The following HS3ST3B1 variants were observed in gnomAD, a reference collection of about 807,000 sequenced individuals.
The protein encoded by HS3ST3B1 is heparan sulfate-glucosamine 3-sulfotransferase 3B1, also known as heparan sulfate glucosamine 3-O-sulfotransferase 3B1.
HS3ST3B1 carries 13 observed loss-of-function variants against 21.3 expected under a neutral mutation model. The observed-to-expected ratio is 0.61, with a 90% CI of 0.40 to 0.97. The LOEUF is 0.97. HS3ST3B1 is among the 50% of genes least tolerant of loss of function. HS3ST3B1 has a pLI of 0.00. For missense variants in HS3ST3B1, 459 were observed against 554.8 expected (o/e 0.83, Z 1.73); for synonymous variants, 234 against 254.8 (o/e 0.92, Z 0.78).
chr17:14,307,343 T>C (rs1185171507), intron 1 of HS3ST3B1, among the ~76,000 whole-genome samples: 1 of 152,072 alleles, frequency 6.6e-6, no homozygotes, highest in East Asian at 1.9e-4. Flanking sequence ...CCAGCTAGAG[T>C]TGTATTGCTT....
In HS3ST3B1 at chr17:14,335,563, C is replaced by T. The variant is rs115920378; in HGVS notation, c.555-9465C>T. ...TACAAAAATTAGCTGGGCATGGTGG[C>T]GACACCTGTAATCTCAGCTACTCTG... On this transcript the variant is annotated intron_variant, in intron 1 of 1. Transcript: ENST00000360954. Among the ~76,000 whole-genome samples, 504 of 151,930 alleles carry T rather than the reference C, an allele frequency of 3.3e-3. 3 individuals carry two copies. Among genetic ancestry groups the T allele is most frequent in the African/African-American group, 0.01 (420 of 41,462 alleles).
chr17:14,339,569 G>A (rs994972685), intron 1 of HS3ST3B1, among the ~76,000 whole-genome samples: 2 of 152,172 alleles, frequency 1.3e-5, no homozygotes, highest in African/African-American at 4.8e-5. Flanking sequence ...CTCCAAGCAA[G>A]TCACCCTCTC....
rs546977970 is a variant in HS3ST3B1 at position 14,342,895 on chromosome 17, G to A, written c.555-2133G>A. Reference sequence around the variant, plus strand: ...AAAAGAATATATGTGATAAATAATTGTGCATATTTTGGGGGTACAATATGA... The same window carrying A: ...AAAAGAATATATGTGATAAATAATTATGCATATTTTGGGGGTACAATATGA... On this transcript the variant is annotated intron_variant, in intron 1 of 1. Transcript: ENST00000360954. Among the ~76,000 whole-genome samples, 4 of 152,148 alleles carry A rather than the reference G, an allele frequency of 2.6e-5. No homozygotes were observed. In the East Asian group the frequency reaches 7.7e-4, roughly 29 times the overall value.
intron 1 of HS3ST3B1, 100 bp downstream of exon 1, chr17:14,302,172 G>T (rs1908957888): frequency 7.3e-7 from 1 of 1,372,456 alleles, no homozygotes; most frequent in Non-Finnish European, 9.7e-7. Context: ...TTACAGCTTC[G>T]GACCACCCGG....
At chr17:14,309,904 G>A (rs902001310) in intron 1 of HS3ST3B1, among the ~76,000 whole-genome samples, 1 of 152,154 alleles carries the variant, frequency 6.6e-6, no homozygotes, top group African/African-American at 2.4e-5. Context: ...TTGGGTCTGG[G>A]AAGCGGGAGG....
chr17:14,313,128 G>A (rs369064749), intron 1 of HS3ST3B1, among the ~76,000 whole-genome samples: 398 of 53,376 alleles, frequency 7.5e-3, no homozygotes, highest in East Asian at 0.045. Context: ...ATATATGTGT[G>A]TGTGTGTATA....
Position 14,348,532 on chromosome 17 carries a change from A to G in HS3ST3B1, c.*2886A>G, listed in dbSNP as rs1910639166. Reference sequence around the variant, plus strand: ...CGGTCATCTTCCTGCTGCAGAAGTTAGGTAACATAAGACTTAGATTTCTTC... The same window carrying G: ...CGGTCATCTTCCTGCTGCAGAAGTTGGGTAACATAAGACTTAGATTTCTTC... On this transcript the variant is annotated 3_prime_UTR_variant, in exon 2 of 2. Transcript: ENST00000360954. 1 of 152,182 alleles carries G rather than the reference A, an allele frequency of 6.6e-6. No individual in the cohort carries two copies. The allele number at this position is 152,182 out of a possible 1,614,324, so 9.4% of individuals were successfully genotyped here. A position where few individuals can be genotyped will look rare whatever the true frequency, so the allele number is the denominator to read the frequency against.
At chr17:14,325,521 A>G (rs1276887744) in intron 1 of HS3ST3B1, among the ~76,000 whole-genome samples, 1 of 152,226 alleles carries the variant, frequency 6.6e-6, no homozygotes, top group Admixed American at 6.5e-5. Flanking sequence ...AAGAATCAAG[A>G]ATTATATTGG....
At chr17:14,342,247 T>TC (rs1206577614) in intron 1 of HS3ST3B1, among the ~76,000 whole-genome samples, 1 of 122,128 alleles carries the variant, frequency 8.2e-6, no homozygotes, top group African/African-American at 3.9e-5. Context: ...GGAAATTCTC[T>TC]TTTTTTTTTC....
At chr17:14,312,309 C>T (rs117676503) in intron 1 of HS3ST3B1, among the ~76,000 whole-genome samples, 17 of 152,222 alleles carry the variant, frequency 1.1e-4, no homozygotes, top group South Asian at 4.2e-4. Context: ...AAGAAGGGAA[C>T]GACTCCCTGA....
chr17:14,306,735 T>G (rs1909149373), intron 1 of HS3ST3B1, among the ~76,000 whole-genome samples: 1 of 152,318 alleles, frequency 6.6e-6, no homozygotes, highest in African/African-American at 2.4e-5. Flanking sequence ...AGATAAGATC[T>G]GGCTGGGGAT....
At chr17:14,335,667 C>T (rs1404064921) in intron 1 of HS3ST3B1, among the ~76,000 whole-genome samples, 2 of 151,086 alleles carry the variant, frequency 1.3e-5, no homozygotes, top group East Asian at 1.9e-4. Flanking sequence ...GCACTCCAGC[C>T]AGGGCAACAG....
At chr17:14,344,674 C>T (rs1018138728) in intron 1 of HS3ST3B1, among the ~76,000 whole-genome samples, 6 of 152,146 alleles carry the variant, frequency 3.9e-5, no homozygotes, top group Admixed American at 2.6e-4. Context: ...TTAGGAAAGG[C>T]ACTTATCAGA....
chr17:14,333,324 G>A (rs938620295), intron 1 of HS3ST3B1, among the ~76,000 whole-genome samples: 2 of 151,890 alleles, frequency 1.3e-5, no homozygotes, highest in Non-Finnish European at 2.9e-5. Context: ...AAAATTAGCC[G>A]AGCATGGTGG....
At chr17:14,318,371 G>A (rs1034315315) in intron 1 of HS3ST3B1, among the ~76,000 whole-genome samples, 25 of 152,240 alleles carry the variant, frequency 1.6e-4, no homozygotes, top group Non-Finnish European at 2.6e-4. Context: ...ACGTGTCCAC[G>A]GCTCTCTGGC....
chr17:14,345,289 G>A lies in HS3ST3B1; in HGVS notation c.816G>A (p.Gln272=). ...GLIDTSWSAI[Q]IGIYAKHLEH... ...TCGACACGTCGTGGAGCGCCATCCA[G>A]ATCGGCATCTACGCCAAGCACCTGG... The change falls in exon 2 of 2, where the codon CAG becomes CAA. Residue 272 remains glutamine (Q), a synonymous_variant. Coordinates refer to ENST00000360954, the MANE Select transcript of HS3ST3B1 (RefSeq NM_006041.3). 1 of 1,159,730 alleles carries A rather than the reference G, an allele frequency of 8.6e-7. No homozygotes were observed. The highest frequency in any genetic ancestry group is 1.4e-5 in the South Asian group (1 of 70,752). 71.8% of individuals were successfully genotyped at this position (1,159,730 alleles called of 1,614,324 possible). A position where few individuals can be genotyped will look rare whatever the true frequency, so the allele number is the denominator to read the frequency against.
At chr17:14,337,225 T>A (rs564291009) in intron 1 of HS3ST3B1, among the ~76,000 whole-genome samples, 1 of 152,298 alleles carries the variant, frequency 6.6e-6, no homozygotes, top group Admixed American at 6.5e-5. Context: ...TCTAGTTTCC[T>A]TTCATTTGTT....
chr17:14,342,982 G>A (rs915975975), intron 1 of HS3ST3B1, among the ~76,000 whole-genome samples: 5 of 152,296 alleles, frequency 3.3e-5, no homozygotes, highest in South Asian at 2.1e-4. Context: ...AGTGGCTCAC[G>A]CCTGTAATCC....
chr17:14,333,488 A>T (rs1016811290), intron 1 of HS3ST3B1, among the ~76,000 whole-genome samples: 4 of 151,898 alleles, frequency 2.6e-5, no homozygotes, highest in African/African-American at 9.7e-5. Flanking sequence ...CAACAAAAAA[A>T]AACAGATTTT....
Sources: gnomAD v4.1 joint callset for allele counts (sites outside exome capture counted in the v4.1 genomes callset) on GRCh38, gnomAD v4.1.1 for gene constraint, MANE v1.5 for transcripts, NCBI Gene and HGNC (gene_info 2026-07-23, HGNC 2026-07-21) for gene names.